The following CARS1 variants were observed in gnomAD, a reference collection of about 807,000 sequenced individuals.
CARS1 encodes cysteinyl-tRNA synthetase 1, also known as cysteine--tRNA ligase, cytoplasmic.
In CARS1, 48 loss-of-function variants were observed where a neutral mutation model predicts 106.2. The ratio of observed to expected loss-of-function variants is 0.45; its 90% CI spans 0.36 to 0.57. CARS1 has a LOEUF of 0.57. Ranked by LOEUF, CARS1 falls within the 20% of genes least tolerant of loss-of-function variation. The pLI, the probability that CARS1 is intolerant of heterozygous loss-of-function variation, is 0.00. For missense variants in CARS1, 968 were observed against 1,057.2 expected (o/e 0.92, Z 1.17); for synonymous variants, 409 against 403.4 (o/e 1.01, Z -0.17).
rs938522740 is a variant in CARS1 at position 3,039,324 on chromosome 11, T to C, written c.553-32A>G. On this transcript the variant is annotated intron_variant, in intron 5 of 22. Transcript: ENST00000380525. This position sits in a 1 kb window ranked among gnomAD's most constrained non-coding sequence, Gnocchi z 5.6. ...AGGGAAGGCAGACATTGGGGAGTGA[T>C]GCTTGGATCCCACATGCATCCCTCT... 7.4e-7 allele frequency: 1 copy of C among 1,345,686 alleles called. No individual in the cohort carries two copies. The highest frequency in any genetic ancestry group is 1.1e-6 in the Non-Finnish European group (1 of 935,872). 83.4% of individuals were successfully genotyped at this position (1,345,686 alleles called of 1,614,324 possible).
At chr11:3,012,959 G>A (rs1387657784) in intron 17 of CARS1, among the ~76,000 whole-genome samples, 1 of 144,746 alleles carries the variant, frequency 6.9e-6, no homozygotes, top group Non-Finnish European at 1.5e-5. Flanking sequence ...GTGTGATCTC[G>A]GCTCACTGCA....
intron 18 of CARS1, among the ~76,000 whole-genome samples, chr11:3,011,790 C>T (rs992956950): frequency 2.0e-5 from 3 of 152,206 alleles, no homozygotes; most frequent in Non-Finnish European, 4.4e-5. Flanking sequence ...GCGCACCCAG[C>T]CTACCAGGTC....
chr11:3,031,820 C>T (rs1852802562), intron 7 of CARS1, among the ~76,000 whole-genome samples: 1 of 152,126 alleles, frequency 6.6e-6, no homozygotes, highest in South Asian at 2.1e-4. Flanking sequence ...GTTGAAAACC[C>T]CAGGGACCCA....
At chr11:3,033,883 C>A (rs1853220861) in intron 7 of CARS1, among the ~76,000 whole-genome samples, 1 of 152,186 alleles carries the variant, frequency 6.6e-6, no homozygotes, top group Admixed American at 6.5e-5. Flanking sequence ...CCATCAGATA[C>A]CTGTGAGAGA....
At position 3,047,950 on chromosome 11, in the gene CARS1, T is replaced by C; in HGVS notation, c.77A>G (p.Gln26Arg). Residue 26 changes from glutamine to arginine, a missense_variant, in exon 2 of 23, where the codon CAA becomes CGA. Transcript: ENST00000380525. ...LSISDEAARA[Q>R]ALNEHLSTRS... ...CGTGCTGAGGTGCTCGTTCAGGGCT[T>C]GTGCCCTGGCTGCCTCGTCACTAAT... 1.2e-6 allele frequency: 2 copies of C among 1,614,134 alleles called. No homozygotes were observed. Among genetic ancestry groups the C allele is most frequent in the Non-Finnish European group, 1.7e-6 (2 of 1,180,010 alleles).
At chr11:3,005,107 C>CAAAAAA (rs71035465) in intron 20 of CARS1, among the ~76,000 whole-genome samples, 5 of 90,720 alleles carry the variant, frequency 5.5e-5, no homozygotes, top group Non-Finnish European at 1.0e-4. Context: ...GACTCCGTCT[C>CAAAAAA]AAAAAAAAAA....
Position 3,039,110 on chromosome 11 carries a change from A to G in CARS1, c.651+84T>C. 1.2e-6 allele frequency: 1 copy of G among 840,220 alleles called. No individual in the cohort carries two copies. Among genetic ancestry groups the G allele is most frequent in the Non-Finnish European group, 2.0e-6 (1 of 507,328 alleles). The allele number at this position is 840,220 out of a possible 1,614,324, so 52.0% of individuals were successfully genotyped here. On this transcript the variant is annotated intron_variant, in intron 6 of 22. Coordinates refer to ENST00000380525, the MANE Select transcript of CARS1 (RefSeq NM_001014437.3). The surrounding 1 kb of genome is among the most constrained non-coding windows in gnomAD (Gnocchi z 5.6). ...CTTTGTGAAAGCCTGTGAGACTGAC[A>G]CTACCCTAGGGACAGTAGCCTACAA...
Position 3,020,851 on chromosome 11 carries a change from G to A in CARS1, c.1154-519C>T, listed in dbSNP as rs1012574531. On this transcript the variant is annotated intron_variant, in intron 10 of 22. Coordinates refer to ENST00000380525, the MANE Select transcript of CARS1 (RefSeq NM_001014437.3). The surrounding 1 kb of genome is among the most constrained non-coding windows in gnomAD (Gnocchi z 4.6). ...TACTACTGCAGGGAACCTGGTGGCAGTGCAGTGGTGAAGGGGACATTTGCT... is the reference window on the plus strand; with the variant it reads ...TACTACTGCAGGGAACCTGGTGGCAATGCAGTGGTGAAGGGGACATTTGCT... Among the ~76,000 whole-genome samples the A allele has an allele frequency of 6.6e-6, 1 of 152,212 alleles. No individual in the cohort carries two copies. The highest frequency in any genetic ancestry group is 2.4e-5 in the African/African-American group (1 of 41,448).
chr11:3,028,099 T>A lies in CARS1; in HGVS notation c.1031+897A>T. 3.4e-6 allele frequency: 1 copy of A among 292,890 alleles called. No individual in the cohort carries two copies. The highest frequency in any genetic ancestry group is 2.9e-5 in the South Asian group (1 of 34,184). 18.1% of individuals were successfully genotyped at this position (292,890 alleles called of 1,614,324 possible). A position where few individuals can be genotyped will look rare whatever the true frequency, so the allele number is the denominator to read the frequency against. Reference sequence around the variant, plus strand: ...CAAATTAGTGAAAGTACTAAAAGTCTCTGATATGCAGAAATAATGGCGTAA... The same window carrying A: ...CAAATTAGTGAAAGTACTAAAAGTCACTGATATGCAGAAATAATGGCGTAA... On this transcript the variant is annotated intron_variant, in intron 9 of 22. Coordinates refer to ENST00000380525, the MANE Select transcript of CARS1 (RefSeq NM_001014437.3). The surrounding 1 kb of genome is among the most constrained non-coding windows in gnomAD (Gnocchi z 4.4).
chr11:3,019,415 G>C lies in CARS1; in HGVS notation c.1267-148C>G, dbSNP rs914527060. On this transcript the variant is annotated intron_variant, in intron 11 of 22. Transcript: ENST00000380525. This position sits in a 1 kb window ranked among gnomAD's most constrained non-coding sequence, Gnocchi z 6.2. ...CCGCACATGAAAAGACTAAGGGAAGGCTGGGCGAGATGGCTCACACCTGTA... is the reference window on the plus strand; with the variant it reads ...CCGCACATGAAAAGACTAAGGGAAGCCTGGGCGAGATGGCTCACACCTGTA... 2.2e-6 allele frequency: 2 copies of C among 917,222 alleles called. No homozygotes were observed. The highest frequency in any genetic ancestry group is 1.5e-6 in the Non-Finnish European group (1 of 684,726). The allele number at this position is 917,222 out of a possible 1,614,324, so 56.8% of individuals were successfully genotyped here. A position where few individuals can be genotyped will look rare whatever the true frequency, so the allele number is the denominator to read the frequency against.
rs1262948101 is a variant in CARS1, at chr11:3,042,159, C to T, written c.366+6G>A. Reference sequence around the variant, plus strand: ...GCGTGTGCCACGGCATCTGTGTTCTCCTTACCTTGTTCCTGGTGAGGCTGT... The same window carrying T: ...GCGTGTGCCACGGCATCTGTGTTCTTCTTACCTTGTTCCTGGTGAGGCTGT... On this transcript the variant is annotated splice_donor_region_variant and intron_variant, in intron 3 of 22. Transcript: ENST00000380525. 6.2e-7 allele frequency: 1 copy of T among 1,612,296 alleles called. No homozygotes were observed. Among genetic ancestry groups the T allele is most frequent in the East Asian group, 2.2e-5 (1 of 44,866 alleles).
In CARS1 at chr11:3,053,481, T is replaced by G. The variant is rs1472719386; in HGVS notation, c.25+3862A>C. Among the ~76,000 whole-genome samples the G allele has an allele frequency of 6.6e-6, 1 of 152,150 alleles. No individual in the cohort carries two copies. Among genetic ancestry groups the G allele is most frequent in the Non-Finnish European group, 1.5e-5 (1 of 68,018 alleles). ...CCTGACCTCAGGTGATCCACCCACC[T>G]CGGCCTCCCAAAGTGCTGGGATTAC... On this transcript the variant is annotated intron_variant, in intron 1 of 22. Transcript: ENST00000380525. This position sits in a 1 kb window ranked among gnomAD's most constrained non-coding sequence, Gnocchi z 6.6.
Position 3,029,235 on chromosome 11 carries a change from A to G in CARS1, c.942+68T>C. The G allele has an allele frequency of 6.3e-7, 1 of 1,581,090 alleles. No individual in the cohort carries two copies. The highest frequency in any genetic ancestry group is 8.7e-7 in the Non-Finnish European group (1 of 1,152,654). ...GCCGCTTAATTGAGCTGGCCTTGCC[A>G]AAACAGGAATTTAGAAATCAGGGCC... On this transcript the variant is annotated intron_variant, in intron 8 of 22. Coordinates refer to ENST00000380525, the MANE Select transcript of CARS1 (RefSeq NM_001014437.3). The surrounding 1 kb of genome is among the most constrained non-coding windows in gnomAD (Gnocchi z 5.9).
At chr11:3,009,456 C>CA (rs1850232780) in intron 18 of CARS1, 1 of 152,300 alleles carries the variant, frequency 6.6e-6, no homozygotes, top group South Asian at 2.1e-4. Flanking sequence ...GTTGCTGTTC[C>CA]ATGGGGACAG....
At chr11:3,024,768 A>G (rs888443458) in intron 10 of CARS1, among the ~76,000 whole-genome samples, 1 of 152,166 alleles carries the variant, frequency 6.6e-6, no homozygotes, top group African/African-American at 2.4e-5. Context: ...ATCTAATACA[A>G]TCGCTCCATG....
chr11:3,015,903 T>C, intron 16 of CARS1, 54 bp from the exon 17 acceptor site: 1 of 1,468,688 alleles, frequency 6.8e-7, no homozygotes, highest in Non-Finnish European at 9.5e-7. Flanking sequence ...AGGCGGCATG[T>C]GGCGAGCAGC....
chr11:3,011,966 A>G (rs1166949568), intron 18 of CARS1, among the ~76,000 whole-genome samples: 2 of 152,206 alleles, frequency 1.3e-5, no homozygotes, highest in African/African-American at 4.8e-5. Flanking sequence ...CACTCACTCG[A>G]GGATTCTGCC....
At chr11:3,012,044 C>T (rs1408265107) in intron 18 of CARS1, 151 bp downstream of exon 18, 8 of 693,266 alleles carry the variant, frequency 1.2e-5, no homozygotes, top group Admixed American at 4.3e-5. Context: ...GGTCCAGGCC[C>T]GGGATGCCGT....
chr11:3,030,948 A>C lies in CARS1; in HGVS notation c.802-1505T>G, dbSNP rs942835305. On this transcript the variant is annotated intron_variant, in intron 7 of 22. Transcript: ENST00000380525. This position sits in a 1 kb window ranked among gnomAD's most constrained non-coding sequence, Gnocchi z 5.7. ...GAAGACAGAACTGAAGAAGTCATCC[A>C]AAATGAAACAGAGACAAGAAGGAAA... The C allele has an allele frequency of 6.6e-6, 1 of 152,284 alleles. No homozygotes were observed. Among genetic ancestry groups the C allele is most frequent in the Non-Finnish European group, 1.5e-5 (1 of 68,056 alleles). The allele number at this position is 152,284 out of a possible 1,614,324, so 9.4% of individuals were successfully genotyped here. A position where few individuals can be genotyped will look rare whatever the true frequency, so the allele number is the denominator to read the frequency against.
Sources: gnomAD v4.1 joint callset for allele counts (sites outside exome capture counted in the v4.1 genomes callset) on GRCh38, gnomAD v4.1.1 for gene constraint, Gnocchi (gnomAD v3.1) non-coding constraint, MANE v1.5 for transcripts, NCBI Gene and HGNC (gene_info 2026-07-23, HGNC 2026-07-21) for gene names.